Variants in PCDHA3 observed in about 807,000 individuals in gnomAD.
PCDHA3 encodes protocadherin alpha 3, also known as protocadherin alpha-3.
PCDHA3 carries 41 observed loss-of-function variants against 62.2 expected under a neutral mutation model. That is an observed-to-expected ratio of 0.66 (90% CI 0.51 to 0.86). The LOEUF is 0.86. PCDHA3 is among the 40% of genes least tolerant of loss of function. PCDHA3 has a pLI of 0.00. For synonymous variants in PCDHA3, 640 were observed against 555.4 expected (o/e 1.15, Z -2.14); for missense variants, 1,304 against 1,241.2 (o/e 1.05, Z -0.76).
At chr5:140,874,386 G>A (rs2054873500) in intron 1 of PCDHA3, among the ~76,000 whole-genome samples, 1 of 152,082 alleles carries the variant, frequency 6.6e-6, no homozygotes. Context: ...GTCTTTTGAT[G>A]CCCCCTTGCA....
At chr5:140,951,234 C>A (rs1003242029) in intron 1 of PCDHA3, among the ~76,000 whole-genome samples, 2 of 152,028 alleles carry the variant, frequency 1.3e-5, no homozygotes. Flanking sequence ...ATGGTCTTTA[C>A]CTTTAGGAAT....
intron 1 of PCDHA3, among the ~76,000 whole-genome samples, chr5:140,925,197 A>G (rs1259349657): frequency 1.3e-5 from 2 of 152,310 alleles, no homozygotes; most frequent in East Asian, 3.9e-4. Context: ...CCCAGCTTCA[A>G]TAATTATCGA....
At chr5:140,805,883 AG>A (rs1763645566) in intron 1 of PCDHA3, among the ~76,000 whole-genome samples, 1 of 152,220 alleles carries the variant, frequency 6.6e-6, no homozygotes, top group African/African-American at 2.4e-5. Context: ...AGGCAATGGA[AG>A]GAAGCAAACA....
chr5:140,896,594 C>G (rs1583238277), intron 1 of PCDHA3, among the ~76,000 whole-genome samples: 1 of 150,950 alleles, frequency 6.6e-6, no homozygotes, highest in Non-Finnish European at 1.5e-5. Flanking sequence ...CCAGGCTGGT[C>G]TCGAACTCCT....
At chr5:140,968,591 G>A (rs1289458266) in intron 1 of PCDHA3, 3 of 1,614,098 alleles carry the variant, frequency 1.9e-6, no homozygotes, top group Non-Finnish European at 2.5e-6. Flanking sequence ...CAAAGTCATA[G>A]CTATGGACTC....
intron 1 of PCDHA3, chr5:140,856,443 T>C: frequency 6.3e-7 from 1 of 1,598,282 alleles, no homozygotes; most frequent in Non-Finnish European, 8.6e-7. Flanking sequence ...CCGCCCAGGT[T>C]CTCCGTAACA....
chr5:140,881,465 G>A, intron 1 of PCDHA3: 1 of 597,254 alleles, frequency 1.7e-6, no homozygotes, highest in Non-Finnish European at 2.1e-6. Flanking sequence ...TTAGAGCATT[G>A]TTGTGGCTAA....
intron 1 of PCDHA3, chr5:140,850,880 A>T (rs2150501340): frequency 6.3e-7 from 1 of 1,586,802 alleles, no homozygotes; most frequent in African/African-American, 1.4e-5. Flanking sequence ...CCTCAGATTC[A>T]ACTGGGAAGG....
chr5:140,948,839 G>A (rs2094310723), intron 1 of PCDHA3, among the ~76,000 whole-genome samples: 1 of 151,152 alleles, frequency 6.6e-6, no homozygotes, highest in African/African-American at 2.4e-5. Flanking sequence ...GCTTTTGTCT[G>A]TATTATTTGC....
Position 140,802,557 on chromosome 5 carries a change from G to A in PCDHA3, c.1360G>A (p.Ala454Thr), listed in dbSNP as rs782054123. The A allele has an allele frequency of 3.1e-6, 5 of 1,614,054 alleles. No homozygotes were observed. Among genetic ancestry groups the A allele is most frequent in the Admixed American group, 1.7e-5 (1 of 60,012 alleles). The change falls in exon 1 of 4, where the codon GCA (alanine) becomes ACA (threonine). Residue 454 changes from alanine to threonine, a missense_variant. Transcript: ENST00000522353. Reference sequence around the variant, plus strand: ...GGCCGACGTGAACGACAATGCGCCGGCATTCTCGCAGTCCGAGTACACGGT... The same window carrying A: ...GGCCGACGTGAACGACAATGCGCCGACATTCTCGCAGTCCGAGTACACGGT... ...EVADVNDNAPAFSQSEYTVFV... is the reference protein window; with the variant it reads ...EVADVNDNAPTFSQSEYTVFV...
chr5:140,913,670 A>G (rs2076427033), intron 1 of PCDHA3, among the ~76,000 whole-genome samples: 1 of 152,090 alleles, frequency 6.6e-6, no homozygotes, highest in Non-Finnish European at 1.5e-5. Flanking sequence ...TAGTTAGGTT[A>G]TTTAAAATGA....
chr5:140,840,690 A>G (rs2150308704), intron 1 of PCDHA3, among the ~76,000 whole-genome samples: 1 of 152,210 alleles, frequency 6.6e-6, no homozygotes, highest in South Asian at 2.1e-4. Context: ...AGTAAATAAA[A>G]CGGTTCAGGC....
At chr5:140,968,961 A>G (rs1554231270) in intron 1 of PCDHA3, 1 of 1,614,088 alleles carries the variant, frequency 6.2e-7, no homozygotes, top group African/African-American at 1.3e-5. Context: ...ATCAAGTGCT[A>G]CCGCTACACT....
chr5:140,815,493 T>C (rs2126664766), intron 1 of PCDHA3: 195 of 151,928 alleles, frequency 1.3e-3, no homozygotes, highest in African/African-American at 4.6e-3. Flanking sequence ...CCAAATTTTA[T>C]GTTATTGATG....
chr5:140,857,412 C>T lies in PCDHA3; in HGVS notation c.2394+53821C>T, dbSNP rs782751627. On this transcript the variant is annotated intron_variant, in intron 1 of 3. Transcript: ENST00000522353. ...GTGAACGACAACGCGCCTGCGTTCGCGCAGTCCGAGTACACGGTGTTCGTG... is the reference window on the plus strand; with the variant it reads ...GTGAACGACAACGCGCCTGCGTTCGTGCAGTCCGAGTACACGGTGTTCGTG... 19 of 1,598,336 alleles carry T rather than the reference C, an allele frequency of 1.2e-5. 1 individual carries two copies. Among genetic ancestry groups the T allele is most frequent in the Non-Finnish European group, 1.4e-5 (16 of 1,167,836 alleles).
intron 1 of PCDHA3, chr5:140,807,108 G>T (rs1405557630): frequency 6.8e-6 from 10 of 1,477,174 alleles, no homozygotes; most frequent in Non-Finnish European, 9.2e-6. Flanking sequence ...GGATGCAGCT[G>T]CACTTGACTG....
chr5:140,905,130 GT>G (rs1448449678), intron 1 of PCDHA3, among the ~76,000 whole-genome samples: 11 of 152,178 alleles, frequency 7.2e-5, no homozygotes, highest in African/African-American at 2.7e-4. Flanking sequence ...GTCTAGAAGA[GT>G]TTTTCTGCTG....
At chr5:140,848,730 C>A (rs2150418805) in intron 1 of PCDHA3, 1 of 1,592,792 alleles carries the variant, frequency 6.3e-7, no homozygotes, top group Non-Finnish European at 8.6e-7. Context: ...GGAGGTAAAT[C>A]TGCAGAATGG....
At chr5:140,852,883 G>A (rs1190514830) in intron 1 of PCDHA3, 22 of 933,050 alleles carry the variant, frequency 2.4e-5, no homozygotes, top group African/African-American at 1.6e-4. Flanking sequence ...ATCATAAAAC[G>A]TATTTTTTTT....
Sources: allele counts gnomAD v4.1 joint callset (sites outside exome capture counted in the v4.1 genomes callset), GRCh38; gene constraint gnomAD v4.1.1; transcripts MANE v1.5; gene names NCBI Gene and HGNC (gene_info 2026-07-23, HGNC 2026-07-21).